The following CYP2S1 variants were observed in gnomAD, a reference collection of about 807,000 sequenced individuals.
CYP2S1 encodes cytochrome P450 2S1.
In CYP2S1, 32 loss-of-function variants were observed where a neutral mutation model predicts 43.5. The ratio of observed to expected loss-of-function variants is 0.74; its 90% CI spans 0.56 to 0.99. The LOEUF (loss-of-function observed/expected upper bound fraction) is 0.99. CYP2S1 is among the 50% of genes least tolerant of loss of function. The probability of loss-of-function intolerance (pLI) is 0.00; values close to 1 mark genes in which losing one functional copy is unlikely to be tolerated. For synonymous variants in CYP2S1, 283 were observed against 302.9 expected (o/e 0.93, Z 0.68); for missense variants, 575 against 673.9 (o/e 0.85, Z 1.62).
intron 7 of CYP2S1, among the ~76,000 whole-genome samples, chr19:41,205,354 C>CTTTCTTTCTTTCTT (rs1219117174): frequency 2.8e-5 from 3 of 105,966 alleles, no homozygotes; most frequent in African/African-American, 1.5e-4. Context: ...TTCTTTCTTT[C>CTTTCTTTCTTTCTT]TTTCTTTCTT....
chr19:41,200,234 C>T (rs1271299855), intron 5 of CYP2S1, among the ~76,000 whole-genome samples: 1 of 152,048 alleles, frequency 6.6e-6, no homozygotes, highest in Non-Finnish European at 1.5e-5. Flanking sequence ...CCATCTTAAC[C>T]ATTTTTAGGT....
rs572350664 is a variant in CYP2S1 at position 41,194,797 on chromosome 19, G to C, written c.343+88G>C. Reference sequence around the variant, plus strand: ...TTGCACATGGCTTAGTCCCTCTGTTGCCTCATCTGTCAAATGGAGTGATAA... The same window carrying C: ...TTGCACATGGCTTAGTCCCTCTGTTCCCTCATCTGTCAAATGGAGTGATAA... On this transcript the variant is annotated intron_variant, in intron 2 of 8. Transcript: ENST00000310054. 24 of 1,510,502 alleles carry C rather than the reference G, an allele frequency of 1.6e-5. No homozygotes were observed. In the East Asian group the frequency reaches 5.5e-4, roughly 35 times the overall value. 93.6% of individuals were successfully genotyped at this position (1,510,502 alleles called of 1,614,324 possible). A position where few individuals can be genotyped will look rare whatever the true frequency, so the allele number is the denominator to read the frequency against.
At chr19:41,201,100 A>G in intron 5 of CYP2S1, 131 bp from the exon 6 acceptor site, 4 of 1,281,652 alleles carry the variant, frequency 3.1e-6, no homozygotes, top group African/African-American at 3.0e-5. Flanking sequence ...CTACTTCCCA[A>G]CCTTCCCAAA....
intron 7 of CYP2S1, 96 bp downstream of exon 7, chr19:41,203,733 TAG>T: frequency 7.9e-7 from 1 of 1,268,634 alleles, no homozygotes; most frequent in Non-Finnish European, 1.0e-6. Flanking sequence ...TTCTTGATCT[TAG>T]TGTCTCTCTC....
chr19:41,201,326 G>T lies in CYP2S1; in HGVS notation c.930G>T (p.Thr310=), dbSNP rs756093596. The T allele has an allele frequency of 3.1e-6, 5 of 1,614,056 alleles. No individual in the cohort carries two copies. In the South Asian group the frequency reaches 5.5e-5, roughly 18 times the overall value. ...LFAGTMTVST[T]VGYTLLLLMK... is the part of the protein sequence containing the mutation. ...CTGGGACGATGACGGTCAGCACCACGGTCGGCTATACCCTCCTGCTCCTGA... is the reference window on the plus strand; with the variant it reads ...CTGGGACGATGACGGTCAGCACCACTGTCGGCTATACCCTCCTGCTCCTGA... Residue 310 remains threonine, a synonymous_variant, in exon 6 of 9, where the codon ACG becomes ACT. Transcript: ENST00000310054.
chr19:41,206,252 G>C (rs1489380311), intron 8 of CYP2S1, 28 bp from the exon 9 acceptor site: 2 of 1,604,092 alleles, frequency 1.2e-6, no homozygotes, highest in South Asian at 1.1e-5. Context: ...TACTGACTCA[G>C]CCCTCTCTCT....
chr19:41,194,806 G>T, intron 2 of CYP2S1, 97 bp downstream of exon 2: 1 of 1,482,204 alleles, frequency 6.7e-7, no homozygotes, highest in Admixed American at 2.8e-5. Flanking sequence ...TGCCTCATCT[G>T]TCAAATGGAG....
Position 41,200,949 on chromosome 19 carries a change from G to A in CYP2S1, c.835-282G>A, listed in dbSNP as rs566813606. On this transcript the variant is annotated intron_variant, in intron 5 of 8. Transcript: ENST00000310054. ...AAAAATTAGCCAGGCATGGTGGTGCGCACCTGTAATCCCAGCTACTCGGGA... is the reference window on the plus strand; with the variant it reads ...AAAAATTAGCCAGGCATGGTGGTGCACACCTGTAATCCCAGCTACTCGGGA... Among the ~76,000 whole-genome samples the A allele has an allele frequency of 4.0e-4, 61 of 152,096 alleles. 1 individual carries two copies. The highest frequency in any genetic ancestry group is 6.8e-3 in the Middle Eastern group (2 of 294).
chr19:41,194,904 T>A lies in CYP2S1; in HGVS notation c.343+195T>A, dbSNP rs138143644. On this transcript the variant is annotated intron_variant, in intron 2 of 8. Coordinates refer to ENST00000310054, the MANE Select transcript of CYP2S1 (RefSeq NM_030622.8). ...GCGGAGGTGGGTGGATCACTTGAGG[T>A]CAGGAGTTCGAGACCAGCCTGGCCA... 1.3e-3 allele frequency among the ~76,000 whole-genome samples: 200 copies of A among 152,074 alleles called. 2 individuals are homozygous for A. The highest frequency in any genetic ancestry group is 4.5e-3 in the African/African-American group (187 of 41,466).
chr19:41,195,404 C>T (rs1202478943), intron 2 of CYP2S1, among the ~76,000 whole-genome samples: 3 of 151,610 alleles, frequency 2.0e-5, no homozygotes, highest in African/African-American at 4.8e-5. Context: ...AAGACAGCAC[C>T]GGTGCTGCTT....
chr19:41,199,462 C>T (rs568624047), intron 5 of CYP2S1, among the ~76,000 whole-genome samples: 5 of 151,892 alleles, frequency 3.3e-5, no homozygotes, highest in African/African-American at 1.2e-4. Context: ...CTCACTGCAA[C>T]CTTGAACTCC....
intron 7 of CYP2S1, 100 bp from the exon 8 acceptor site, chr19:41,205,858 G>A (rs2033568693): frequency 6.2e-6 from 9 of 1,460,682 alleles, no homozygotes; most frequent in Non-Finnish European, 8.3e-6. Flanking sequence ...TAGGTTTTGT[G>A]AACTAGTGTC....
rs1177711096 is a variant in CYP2S1 at position 41,194,578 on chromosome 19, A to G, written c.212A>G (p.Tyr71Cys). Residue 71 changes from tyrosine (Y) to cysteine (C), a missense_variant, in exon 2 of 9, where the codon TAC becomes TGC. This residue lies in a region of CYP2S1 where 353 missense variants were observed against 367.6 expected (regional missense o/e 0.96). Transcript: ENST00000310054. ...SKKYGPVFTI[Y>C]LGPWRPVVVL... is the part of the protein sequence containing the mutation. Reference sequence around the variant, plus strand: ...AAGTACGGACCGGTGTTCACCATCTACCTGGGACCCTGGCGGCCTGTGGTG... The same window carrying G: ...AAGTACGGACCGGTGTTCACCATCTGCCTGGGACCCTGGCGGCCTGTGGTG... 6.2e-7 allele frequency: 1 copy of G among 1,608,614 alleles called. No individual in the cohort carries two copies. The highest frequency in any genetic ancestry group is 1.7e-4 in the Middle Eastern group (1 of 6,040).
chr19:41,196,436 G>A (rs533214705), intron 2 of CYP2S1, among the ~76,000 whole-genome samples: 5 of 152,132 alleles, frequency 3.3e-5, no homozygotes, highest in Non-Finnish European at 5.9e-5. Context: ...AGATCCTGTG[G>A]TTGCTGCCTG....
chr19:41,198,827 A>C lies in CYP2S1; in HGVS notation c.773A>C (p.Asn258Thr), dbSNP rs776426211. ...CGGCAGGTGCAGCAGCACCAGGGGA[A>C]CCTGGATGCTTCGGGCCCCGCACGT... ...TVRQVQQHQGNLDASGPARDL... is the reference protein window; with the variant it reads ...TVRQVQQHQGTLDASGPARDL... Residue 258 changes from asparagine to threonine, a missense_variant, in exon 5 of 9, where the codon AAC becomes ACC. Asn to Thr is a moderately conservative substitution (Grantham distance 65, BLOSUM62 0). This residue lies in a region of CYP2S1 where 353 missense variants were observed against 367.6 expected (regional missense o/e 0.96). Transcript: ENST00000310054. The surrounding 1 kb of genome is among the most constrained non-coding windows in gnomAD (Gnocchi z 4.9). 9 of 1,613,788 alleles carry C rather than the reference A, an allele frequency of 5.6e-6. No homozygotes were observed. The highest frequency in any genetic ancestry group is 7.6e-6 in the Non-Finnish European group (9 of 1,179,954).
At chr19:41,193,589 T>G in intron 1 of CYP2S1, 148 bp downstream of exon 1, 1 of 1,311,492 alleles carries the variant, frequency 7.6e-7, no homozygotes, top group Non-Finnish European at 9.7e-7. Flanking sequence ...GTCCTGGGGT[T>G]GGGGGCAGGA....
At chr19:41,201,985 AT>A (rs1040240107) in intron 6 of CYP2S1, among the ~76,000 whole-genome samples, 18 of 151,412 alleles carry the variant, frequency 1.2e-4, no homozygotes, top group African/African-American at 4.4e-4. Flanking sequence ...TTTTATTTTT[AT>A]TTTTTTTACT....
chr19:41,206,844 GA>G lies in CYP2S1; in HGVS notation c.*359del. 1.2e-5 allele frequency: 6 copies of G among 492,026 alleles called. No individual in the cohort carries two copies. The highest frequency in any genetic ancestry group is 4.7e-5 in the South Asian group (3 of 64,502). 30.5% of individuals were successfully genotyped at this position (492,026 alleles called of 1,614,324 possible). On this transcript the variant is annotated 3_prime_UTR_variant, in exon 9 of 9. Transcript: ENST00000310054. ...CTGGCTGTCACCTTCACAAGCCACA[GA>G]AACGGCCACACATGTTCACAGCTCA...
chr19:41,205,984 C>T lies in CYP2S1; in HGVS notation c.1191C>T (p.Gly397=). 17 of 1,614,072 alleles carry T rather than the reference C, an allele frequency of 1.1e-5. No individual in the cohort carries two copies. Among genetic ancestry groups the T allele is most frequent in the Non-Finnish European group, 1.3e-5 (15 of 1,179,990 alleles). The part of the protein sequence containing the change: ...PQGTEVFPLL[G]SILHDPNIFK... The stretch of plus-strand genomic sequence containing the variant: ...GCACGGAGGTCTTCCCCCTCCTTGG[C>T]TCCATCCTGCATGACCCCAACATCT... The change falls in exon 8 of 9, where the codon GGC becomes GGT. Residue 397 remains glycine (G), a synonymous_variant. Coordinates refer to ENST00000310054, the MANE Select transcript of CYP2S1 (RefSeq NM_030622.8).
Sources: allele counts gnomAD v4.1 joint callset (sites outside exome capture counted in the v4.1 genomes callset), GRCh38; gene constraint gnomAD v4.1.1; regional missense constraint gnomAD v4.1.1; non-coding constraint Gnocchi (gnomAD v3.1); transcripts MANE v1.5; gene names NCBI Gene and HGNC (gene_info 2026-07-23, HGNC 2026-07-21).